The following CORO1C variants were observed in gnomAD, a reference collection of about 807,000 sequenced individuals.
CORO1C encodes the protein coronin-1C.
A neutral mutation model predicts 51.2 loss-of-function variants in CORO1C; 14 were observed. The observed-to-expected ratio is 0.27, with a 90% CI of 0.18 to 0.43. CORO1C has a LOEUF of 0.43. CORO1C is among the 20% of genes least tolerant of loss of function. CORO1C has a pLI of 1.00. For synonymous variants in CORO1C, 181 were observed against 210.5 expected, an observed-to-expected ratio of 0.86 and a Z score of 1.21; for missense variants, 417 against 607.8, an observed-to-expected ratio of 0.69 and a Z score of 3.30.
At chr12:108,677,606 A>C (rs992729387) in intron 3 of CORO1C, among the ~76,000 whole-genome samples, 31 of 152,204 alleles carry the variant, frequency 2.0e-4, no homozygotes, top group African/African-American at 6.5e-4. Context: ...CAGCAGTTTC[A>C]GTTTTTTCTC....
chr12:108,716,736 T>G (rs965742348), intron 1 of CORO1C, among the ~76,000 whole-genome samples: 3 of 152,198 alleles, frequency 2.0e-5, no homozygotes, highest in Non-Finnish European at 4.4e-5. Flanking sequence ...AATCCTTCTT[T>G]CACTGGGATA....
chr12:108,685,575 T>C (rs55660433), intron 2 of CORO1C, among the ~76,000 whole-genome samples: 107 of 151,654 alleles, frequency 7.1e-4, no homozygotes, highest in Admixed American at 1.7e-3. Flanking sequence ...CATACTAGAT[T>C]TGGATAGGGA....
intron 1 of CORO1C, among the ~76,000 whole-genome samples, chr12:108,713,747 G>A (rs2035249949): frequency 1.3e-5 from 2 of 152,152 alleles, no homozygotes; most frequent in Admixed American, 1.3e-4. Context: ...CAACTTTTCA[G>A]CCCATGAACT....
intron 1 of CORO1C, among the ~76,000 whole-genome samples, chr12:108,717,223 A>G (rs1471903115): frequency 6.6e-6 from 1 of 152,244 alleles, no homozygotes; most frequent in Non-Finnish European, 1.5e-5. Context: ...AAAAGTCTGT[A>G]TCAAAAGCAA....
chr12:108,685,773 C>G (rs891510687), intron 2 of CORO1C, among the ~76,000 whole-genome samples: 1 of 152,010 alleles, frequency 6.6e-6, no homozygotes, highest in African/African-American at 2.4e-5. Context: ...TACTGTAGCA[C>G]AAGAGAAAAG....
intron 1 of CORO1C, among the ~76,000 whole-genome samples, chr12:108,714,165 C>A (rs181976535): frequency 6.6e-6 from 1 of 151,466 alleles, no homozygotes; most frequent in East Asian, 2.0e-4. Context: ...CCGAGGTGGG[C>A]GGATCACGAA....
At position 108,658,983 on chromosome 12, in the gene CORO1C, A is replaced by G; in HGVS notation, c.449-64T>C. The stretch of plus-strand genomic sequence containing the variant: ...AACACCTATGTAACACACTCAGAAA[A>G]CTACAGATACAGTGAGAATACACAT... On this transcript the variant is annotated intron_variant, in intron 4 of 10. Coordinates refer to ENST00000261401, the MANE Select transcript of CORO1C (RefSeq NM_014325.4). The surrounding 1 kb of genome is among the most constrained non-coding windows in gnomAD (Gnocchi z 4.9). 1 of 1,514,620 alleles carries G rather than the reference A, an allele frequency of 6.6e-7. No individual in the cohort carries two copies. 93.8% of individuals were successfully genotyped at this position (1,514,620 alleles called of 1,614,324 possible). A position where few individuals can be genotyped will look rare whatever the true frequency, so the allele number is the denominator to read the frequency against.
Position 108,658,819 on chromosome 12 carries a change from G to T in CORO1C, c.549C>A (p.Asn183Lys). 6.2e-7 allele frequency: 1 copy of T among 1,613,820 alleles called. No homozygotes were observed. Among genetic ancestry groups the T allele is most frequent in the Non-Finnish European group, 8.5e-7 (1 of 1,179,720 alleles). The change falls in exon 5 of 11, where the codon AAC becomes AAA. Residue 183 changes from asparagine to lysine, a missense_variant. By Grantham distance (94) the Asn-to-Lys change is moderately conservative (BLOSUM62 0). Transcript: ENST00000261401. The surrounding 1 kb of genome is among the most constrained non-coding windows in gnomAD (Gnocchi z 4.9). The part of the protein sequence containing the change: ...HSDMIYNVSW[N>K]RNGSLICTAS... The stretch of plus-strand genomic sequence containing the variant: ...CTGTGCAGATCAGACTGCCATTCCG[G>T]TTCCAGCTCACATTGTAAATCATGT...
chr12:108,680,168 G>C (rs1031636234), intron 2 of CORO1C, among the ~76,000 whole-genome samples: 12 of 152,222 alleles, frequency 7.9e-5, no homozygotes, highest in Non-Finnish European at 1.3e-4. Flanking sequence ...CCAGTGAGAG[G>C]AGAGAGACAT....
intron 2 of CORO1C, among the ~76,000 whole-genome samples, chr12:108,689,711 A>G (rs1424442224): frequency 1.3e-5 from 2 of 152,250 alleles, no homozygotes; most frequent in South Asian, 2.1e-4. Context: ...AGAACAGTTA[A>G]AAGATTTCCA....
chr12:108,660,860 T>G (rs1442923451), intron 4 of CORO1C, among the ~76,000 whole-genome samples: 1 of 152,210 alleles, frequency 6.6e-6, no homozygotes, highest in Non-Finnish European at 1.5e-5. Flanking sequence ...GCATCTTTTT[T>G]GAAAAGTGGG....
At position 108,678,258 on chromosome 12, in the gene CORO1C, C is replaced by T. The variant is rs375172317; in HGVS notation, c.318+14G>A. On this transcript the variant is annotated intron_variant, in intron 3 of 10. Coordinates refer to ENST00000261401, the MANE Select transcript of CORO1C (RefSeq NM_014325.4). ...CTCACTGGCCTGTGTGCACACAACA[C>T]CCTGGGAGCTTACCATGACCGTGCA... 4.4e-6 allele frequency: 7 copies of T among 1,605,912 alleles called. No homozygotes were observed. In the African/African-American group the frequency reaches 8.0e-5, roughly 18 times the overall value.
At chr12:108,670,191 CA>C (rs1011633449) in intron 3 of CORO1C, among the ~76,000 whole-genome samples, 36 of 152,230 alleles carry the variant, frequency 2.4e-4, no homozygotes, top group African/African-American at 8.7e-4. Context: ...CAGGTGGGAG[CA>C]AACACCAACA....
At chr12:108,669,507 G>C (rs1437263442) in intron 3 of CORO1C, among the ~76,000 whole-genome samples, 1 of 152,044 alleles carries the variant, frequency 6.6e-6, no homozygotes, top group African/African-American at 2.4e-5. Flanking sequence ...CTGGGGCTGA[G>C]AGCGTTTAAG....
At chr12:108,716,476 C>T (rs1314087138) in intron 1 of CORO1C, among the ~76,000 whole-genome samples, 1 of 152,136 alleles carries the variant, frequency 6.6e-6, no homozygotes, top group African/African-American at 2.4e-5. Flanking sequence ...TTTCAGCCTT[C>T]CCTTTTTAAC....
intron 1 of CORO1C, chr12:108,703,062 G>A (rs2034925259): frequency 9.7e-7 from 1 of 1,035,214 alleles, no homozygotes; most frequent in South Asian, 2.0e-5. Context: ...TCCATGAGGT[G>A]GTGAAAAGCA....
chr12:108,703,158 G>C (rs1341014508), intron 1 of CORO1C: 1 of 434,080 alleles, frequency 2.3e-6, no homozygotes, highest in Non-Finnish European at 4.1e-6. Context: ...GCAACCATCT[G>C]TACAAGTTAT....
chr12:108,692,189 C>T (rs371193223), intron 2 of CORO1C, among the ~76,000 whole-genome samples: 57 of 152,270 alleles, frequency 3.7e-4, no homozygotes, highest in African/African-American at 1.4e-3. Context: ...TGTCCCCCAG[C>T]TTTTCACGGC....
At chr12:108,728,583 G>A (rs2035645323) in intron 1 of CORO1C, among the ~76,000 whole-genome samples, 1 of 152,058 alleles carries the variant, frequency 6.6e-6, no homozygotes, top group Non-Finnish European at 1.5e-5. Context: ...ACTTTAAACG[G>A]GTGAACTGTA....
Sources: gnomAD v4.1 joint callset for allele counts (sites outside exome capture counted in the v4.1 genomes callset) on GRCh38, gnomAD v4.1.1 for gene constraint, Gnocchi (gnomAD v3.1) non-coding constraint, MANE v1.5 for transcripts, NCBI Gene and HGNC (gene_info 2026-07-23, HGNC 2026-07-21) for gene names.